Variants in SPOCK2 observed in about 807,000 individuals in gnomAD.
SPOCK2 encodes the protein testican-2.
A neutral mutation model predicts 60.1 loss-of-function variants in SPOCK2; 39 were observed. The ratio of observed to expected loss-of-function variants is 0.65; its 90% CI spans 0.50 to 0.85. The LOEUF is 0.85. Ranked by LOEUF, SPOCK2 falls within the 40% of genes least tolerant of loss-of-function variation. The pLI is 0.00. For synonymous variants in SPOCK2, 217 were observed against 231.5 expected (o/e 0.94, Z 0.57); for missense variants, 523 against 567.4 (o/e 0.92, Z 0.80).
chr10:72,066,626 CTT>C (rs1323090278), intron 8 of SPOCK2, among the ~76,000 whole-genome samples: 4 of 151,560 alleles, frequency 2.6e-5, no homozygotes, highest in Non-Finnish European at 5.9e-5. Flanking sequence ...TTTTTTAACT[CTT>C]TCTTAAAGAA....
intron 5 of SPOCK2, chr10:72,068,582 C>T: frequency 2.4e-6 from 1 of 423,694 alleles, no homozygotes; most frequent in Admixed American, 4.2e-5. Context: ...ACACCTGTCT[C>T]CCCTCCCCTG....
At chr10:72,072,774 G>T in intron 2 of SPOCK2, 128 bp downstream of exon 2, 1 of 1,452,412 alleles carries the variant, frequency 6.9e-7, no homozygotes, top group Non-Finnish European at 9.5e-7. Flanking sequence ...GTGAGCTCCT[G>T]ATTGCTCCCA....
chr10:72,080,953 AT>A (rs1304840713), intron 1 of SPOCK2, among the ~76,000 whole-genome samples: 2 of 152,014 alleles, frequency 1.3e-5, no homozygotes, highest in Non-Finnish European at 2.9e-5. Context: ...CCAATAGTCC[AT>A]AAAGGGCAGA....
intron 1 of SPOCK2, among the ~76,000 whole-genome samples, chr10:72,082,853 C>CAAAAA (rs770751183): frequency 1.1e-3 from 50 of 45,882 alleles, no homozygotes; most frequent in East Asian, 1.6e-3. Context: ...GACCCTGTCT[C>CAAAAA]AAAAAAAAAA....
chr10:72,081,408 A>C (rs981309312), intron 1 of SPOCK2, among the ~76,000 whole-genome samples: 1 of 152,226 alleles, frequency 6.6e-6, no homozygotes, highest in Non-Finnish European at 1.5e-5. Flanking sequence ...TTGTCCTTCT[A>C]TACAGGGCAG....
chr10:72,084,334 G>C (rs1207129040), intron 1 of SPOCK2, among the ~76,000 whole-genome samples: 1 of 152,212 alleles, frequency 6.6e-6, no homozygotes, highest in Non-Finnish European at 1.5e-5. Flanking sequence ...AAGCTCAGAG[G>C]GTTTAGGTGA....
chr10:72,078,386 C>T (rs1840743083), intron 1 of SPOCK2, among the ~76,000 whole-genome samples: 1 of 151,888 alleles, frequency 6.6e-6, no homozygotes, highest in South Asian at 2.1e-4. Context: ...TGGCGGGCGC[C>T]TGTAGTCCCA....
chr10:72,082,407 G>T (rs1164313419), intron 1 of SPOCK2, among the ~76,000 whole-genome samples: 2 of 152,222 alleles, frequency 1.3e-5, no homozygotes, highest in African/African-American at 4.8e-5. Context: ...GCGCAGAGAC[G>T]GGGTTGTGGA....
chr10:72,067,209 G>GA, intron 7 of SPOCK2, 89 bp from the exon 8 acceptor site: 2 of 1,342,756 alleles, frequency 1.5e-6, no homozygotes, highest in Non-Finnish European at 2.0e-6. Context: ...ATCAGCCCCA[G>GA]CCCTCTATTC....
chr10:72,076,979 G>A (rs990943460), intron 1 of SPOCK2, among the ~76,000 whole-genome samples: 5 of 152,350 alleles, frequency 3.3e-5, no homozygotes, highest in Admixed American at 2.6e-4. Flanking sequence ...TGAGGAGGAG[G>A]AGGCAGAGAG....
Position 72,066,772 on chromosome 10 carries a change from G to A in SPOCK2, c.928+130C>T, listed in dbSNP as rs1840573528. ...AGCCCTAAGGGAGTGCAGGAAGTGG[G>A]CAAGCTGGGAAAGTGCTGGGCCTGG... On this transcript the variant is annotated intron_variant, in intron 8 of 10. Transcript: ENST00000373109. The A allele has an allele frequency of 4.9e-6, 5 of 1,020,480 alleles. No individual in the cohort carries two copies. In the Admixed American group the frequency reaches 1.1e-4, roughly 23 times the overall value. The allele number at this position is 1,020,480 out of a possible 1,614,324, so 63.2% of individuals were successfully genotyped here. A position where few individuals can be genotyped will look rare whatever the true frequency, so the allele number is the denominator to read the frequency against.
intron 4 of SPOCK2, 144 bp downstream of exon 4, chr10:72,072,000 A>C: frequency 1.7e-6 from 1 of 598,526 alleles, no homozygotes; most frequent in East Asian, 3.1e-5. Context: ...ATGATGTCAG[A>C]TAATACATAT....
chr10:72,081,626 G>T (rs139580002), intron 1 of SPOCK2, among the ~76,000 whole-genome samples: 63 of 152,390 alleles, frequency 4.1e-4, no homozygotes, highest in African/African-American at 1.2e-3. Flanking sequence ...GAGACTGGCT[G>T]TAGCCAGGGA....
intron 1 of SPOCK2, 50 bp from the exon 2 acceptor site, chr10:72,072,960 A>G: frequency 2.6e-6 from 4 of 1,552,118 alleles, no homozygotes; most frequent in Non-Finnish European, 3.5e-6. Flanking sequence ...GCAGGAAGAG[A>G]AAGGGAGAAA....
chr10:72,071,638 G>C (rs1007799871), intron 4 of SPOCK2, among the ~76,000 whole-genome samples: 1 of 152,206 alleles, frequency 6.6e-6, no homozygotes, highest in African/African-American at 2.4e-5. Context: ...ATTTGTCTTA[G>C]AGATACTACA....
intron 1 of SPOCK2, among the ~76,000 whole-genome samples, chr10:72,077,504 T>G (rs1003360113): frequency 6.6e-6 from 1 of 152,058 alleles, no homozygotes; most frequent in African/African-American, 2.4e-5. Flanking sequence ...GGTACCCAGC[T>G]CGGGCCACGC....
At chr10:72,071,413 T>G (rs577665898) in intron 4 of SPOCK2, among the ~76,000 whole-genome samples, 59 of 152,300 alleles carry the variant, frequency 3.9e-4, no homozygotes, top group African/African-American at 1.4e-3. Flanking sequence ...GGTCTCAAAC[T>G]CCTGACCTTA....
chr10:72,075,329 T>C (rs1840702256), intron 1 of SPOCK2, among the ~76,000 whole-genome samples: 1 of 152,126 alleles, frequency 6.6e-6, no homozygotes. Flanking sequence ...GGCTGGGTTC[T>C]GGGAGGGAGG....
chr10:72,082,652 A>G (rs946880728), intron 1 of SPOCK2, among the ~76,000 whole-genome samples: 9 of 151,752 alleles, frequency 5.9e-5, no homozygotes, highest in Non-Finnish European at 1.0e-4. Context: ...CCAGGAGTTC[A>G]AGACCAGCAA....
Sources: gnomAD v4.1 joint callset for allele counts (sites outside exome capture counted in the v4.1 genomes callset) on GRCh38, gnomAD v4.1.1 for gene constraint, MANE v1.5 for transcripts, NCBI Gene and HGNC (gene_info 2026-07-23, HGNC 2026-07-21) for gene names.